SNTG1: variants seen among roughly 807,000 people sequenced by gnomAD.
SNTG1 encodes syntrophin gamma 1.
SNTG1 carries 39 observed loss-of-function variants against 74.7 expected under a neutral mutation model. The ratio of observed to expected loss-of-function variants is 0.52; its 90% confidence interval spans 0.40 to 0.68. The LOEUF (loss-of-function observed/expected upper bound fraction) is 0.68. Among genes scored for constraint, SNTG1 ranks in the 30% least tolerant of loss-of-function variants. The pLI is 0.00. For missense variants in SNTG1, 685 were observed against 609.5 expected (o/e 1.12, Z -1.30); for synonymous variants, 254 against 217.1 (o/e 1.17, Z -1.49).
intron 1 of SNTG1, among the ~76,000 whole-genome samples, chr8:50,110,618 G>A (rs555941022): frequency 2.5e-4 from 38 of 152,262 alleles, no homozygotes; most frequent in African/African-American, 8.9e-4. Flanking sequence ...AACACCAACT[G>A]CTCGAGATGA....
At chr8:50,356,027 T>C (rs1355263462) in intron 2 of SNTG1, among the ~76,000 whole-genome samples, 1 of 152,164 alleles carries the variant, frequency 6.6e-6, no homozygotes, top group African/African-American at 2.4e-5. Flanking sequence ...CCAAATCCTG[T>C]ACTTCCTTTT....
intron 1 of SNTG1, among the ~76,000 whole-genome samples, chr8:50,144,591 C>T (rs1170446153): frequency 6.6e-6 from 1 of 152,058 alleles, no homozygotes; most frequent in Non-Finnish European, 1.5e-5. Context: ...AATTGGAGGG[C>T]TCAAAAATAG....
At chr8:50,761,043 T>C in intron 18 of SNTG1, among the ~76,000 whole-genome samples, 1 of 151,926 alleles carries the variant, frequency 6.6e-6, no homozygotes, top group Non-Finnish European at 1.5e-5. Context: ...ATCATCCTGA[T>C]ACCAAAACCT....
At chr8:50,182,650 G>A (rs939420876) in intron 2 of SNTG1, among the ~76,000 whole-genome samples, 1 of 152,042 alleles carries the variant, frequency 6.6e-6, no homozygotes, top group Non-Finnish European at 1.5e-5. Context: ...GCGTGTGTGT[G>A]TACACCAGAC....
At chr8:50,132,336 T>A (rs1045922195) in intron 1 of SNTG1, among the ~76,000 whole-genome samples, 14 of 152,102 alleles carry the variant, frequency 9.2e-5, no homozygotes, top group African/African-American at 3.4e-4. Flanking sequence ...AATTGAAACA[T>A]CCTAAATTTT....
chr8:50,705,886 G>T (rs761838786), intron 16 of SNTG1, among the ~76,000 whole-genome samples: 44 of 152,182 alleles, frequency 2.9e-4, no homozygotes, highest in African/African-American at 1.0e-3. Flanking sequence ...GTTTTCATGC[G>T]CTTGCCACAT....
At chr8:50,239,026 C>T (rs2132117425) in intron 2 of SNTG1, among the ~76,000 whole-genome samples, 1 of 152,178 alleles carries the variant, frequency 6.6e-6, no homozygotes, top group African/African-American at 2.4e-5. Context: ...AAGGGGAACG[C>T]TATACACAGC....
chr8:50,491,886 G>GCC (rs71235304), intron 8 of SNTG1, among the ~76,000 whole-genome samples: 2 of 137,064 alleles, frequency 1.5e-5, no homozygotes, highest in African/African-American at 3.0e-5. Flanking sequence ...TAGCTCCCCC[G>GCC]CCCCCCTACC....
chr8:50,584,057 A>T (rs2094630318), intron 12 of SNTG1, among the ~76,000 whole-genome samples: 1 of 152,082 alleles, frequency 6.6e-6, no homozygotes, highest in Non-Finnish European at 1.5e-5. Context: ...TTTGCTCAGA[A>T]TGATGGTTTC....
At chr8:50,701,559 C>G (rs1225287629) in intron 15 of SNTG1, among the ~76,000 whole-genome samples, 1 of 117,172 alleles carries the variant, frequency 8.5e-6, no homozygotes, top group Non-Finnish European at 1.7e-5. Context: ...GCTTTTCAAT[C>G]TATTGTGATA....
At chr8:50,105,220 A>G (rs2080319771) in intron 1 of SNTG1, among the ~76,000 whole-genome samples, 1 of 152,162 alleles carries the variant, frequency 6.6e-6, no homozygotes, top group Non-Finnish European at 1.5e-5. Flanking sequence ...GGCGTAAGGA[A>G]GGAGTCCAGC....
At chr8:50,439,020 A>T (rs1053508548) in intron 5 of SNTG1, among the ~76,000 whole-genome samples, 1 of 152,158 alleles carries the variant, frequency 6.6e-6, no homozygotes, top group Non-Finnish European at 1.5e-5. Flanking sequence ...TTTCATTTTT[A>T]AAAAAGAAAT....
At chr8:50,019,061 G>C (rs1228546746) in intron 1 of SNTG1, among the ~76,000 whole-genome samples, 1 of 152,032 alleles carries the variant, frequency 6.6e-6, no homozygotes, top group African/African-American at 2.4e-5. Flanking sequence ...GTCTGGGGAA[G>C]GGTCAAGGAA....
intron 2 of SNTG1, among the ~76,000 whole-genome samples, chr8:50,379,414 G>A (rs547168906): frequency 7.2e-5 from 11 of 152,252 alleles, no homozygotes; most frequent in South Asian, 4.1e-4. Context: ...CAGTTGTGCC[G>A]ATGGGGGGTC....
At chr8:50,278,470 C>A (rs2088242227) in intron 2 of SNTG1, among the ~76,000 whole-genome samples, 1 of 151,982 alleles carries the variant, frequency 6.6e-6, no homozygotes, top group Non-Finnish European at 1.5e-5. Context: ...TTCAGAAATC[C>A]CTGTGATTGA....
At chr8:50,318,667 AG>A (rs2090407995) in intron 2 of SNTG1, among the ~76,000 whole-genome samples, 1 of 152,168 alleles carries the variant, frequency 6.6e-6, no homozygotes, top group Non-Finnish European at 1.5e-5. Context: ...GAGAAACTGA[AG>A]CTTTTCTGTC....
chr8:50,628,485 C>A (rs187606690), intron 13 of SNTG1, among the ~76,000 whole-genome samples: 1 of 152,116 alleles, frequency 6.6e-6, no homozygotes, highest in African/African-American at 2.4e-5. Context: ...TCCTTTGCTT[C>A]TCTTCCAGAA....
At chr8:50,188,241 G>A (rs535507899) in intron 2 of SNTG1, among the ~76,000 whole-genome samples, 6 of 152,162 alleles carry the variant, frequency 3.9e-5, no homozygotes, top group African/African-American at 7.2e-5. Flanking sequence ...TTCCAATCAC[G>A]TTTCTTCAAA....
At chr8:50,044,757 C>T (rs1483092393) in intron 1 of SNTG1, among the ~76,000 whole-genome samples, 6 of 152,178 alleles carry the variant, frequency 3.9e-5, no homozygotes, top group African/African-American at 1.4e-4. Flanking sequence ...AGAATTACCA[C>T]ATTGTTTCAT....
Sources: allele counts gnomAD v4.1 joint callset (sites outside exome capture counted in the v4.1 genomes callset), GRCh38; gene constraint gnomAD v4.1.1; transcripts MANE v1.5; gene names NCBI Gene and HGNC (gene_info 2026-07-23, HGNC 2026-07-21).